The following ATE1 variants were observed in gnomAD, a reference collection of about 807,000 sequenced individuals.
The protein encoded by ATE1 is arginyl-tRNA--protein transferase 1.
In ATE1, 36 loss-of-function variants were observed where a neutral mutation model predicts 70.5. The observed-to-expected ratio is 0.51, with a 90% confidence interval of 0.39 to 0.67. ATE1 has a LOEUF of 0.67. Among genes scored for constraint, ATE1 ranks in the 30% least tolerant of loss-of-function variants. The probability of loss-of-function intolerance (pLI) is 0.00; values close to 1 mark genes in which losing one functional copy is unlikely to be tolerated. For synonymous variants in ATE1, 232 were observed against 219.3 expected, an observed-to-expected ratio of 1.06 and a Z score of -0.51; for missense variants, 593 against 629.5, an observed-to-expected ratio of 0.94 and a Z score of 0.62.
upstream of ATE1, chr10:121,928,345 AC>A (rs1175461056): frequency 6.6e-7 from 1 of 1,521,860 alleles, no homozygotes; most frequent in South Asian, 1.2e-5. Flanking sequence ...GGGAACACTC[AC>A]CGCAGGACGC....
intron 8 of ATE1, among the ~76,000 whole-genome samples, chr10:121,869,165 T>A (rs1949765641): frequency 6.6e-6 from 1 of 152,198 alleles, no homozygotes; most frequent in Non-Finnish European, 1.5e-5. Flanking sequence ...CCATCACTTA[T>A]TTGAGAGGTA....
At position 121,743,640 on chromosome 10, in the gene ATE1, A is replaced by G; in HGVS notation, c.*40T>C. On this transcript the variant is annotated 3_prime_UTR_variant, in exon 12 of 12. Coordinates refer to ENST00000224652, the MANE Select transcript of ATE1 (RefSeq NM_001001976.3). ...CTGAATATGTATCCTGGCACAAATCATCAGCACAACACAGGAACTTCCCGG... is the reference window on the plus strand; with the variant it reads ...CTGAATATGTATCCTGGCACAAATCGTCAGCACAACACAGGAACTTCCCGG... 2 of 1,538,914 alleles carry G rather than the reference A, an allele frequency of 1.3e-6. No homozygotes were observed. Among genetic ancestry groups the G allele is most frequent in the Admixed American group, 2.1e-5 (1 of 47,688 alleles).
intron 11 of ATE1, among the ~76,000 whole-genome samples, chr10:121,759,461 C>T (rs879524708): frequency 6.6e-5 from 10 of 152,144 alleles, no homozygotes; most frequent in Non-Finnish European, 8.8e-5. Context: ...TGGTGGCTGA[C>T]GCCTGTAATC....
Position 121,913,886 on chromosome 10 carries a change from G to C in ATE1, c.241C>G (p.Pro81Ala). The change falls in exon 4 of 12, where the codon CCT becomes GCT. Residue 81 changes from proline (P) to alanine (A), a missense_variant. Physicochemically the swap from Pro to Ala is conservative, Grantham distance 27. This residue lies in a region of ATE1 where 467 missense variants were observed against 469.6 expected (regional missense o/e 0.99). Transcript: ENST00000224652. The part of the protein sequence containing the change: ...CCPQYTIRCR[P>A]LQFQPSKSHK... Reference sequence around the variant, plus strand: ...GATTTTGAAGGCTGAAATTGTAAAGGTCGGCACCTAGGAAAGCAAAATAAA... The same window carrying C: ...GATTTTGAAGGCTGAAATTGTAAAGCTCGGCACCTAGGAAAGCAAAATAAA... 6.2e-7 allele frequency: 1 copy of C among 1,607,138 alleles called. No homozygotes were observed. Among genetic ancestry groups the C allele is most frequent in the Non-Finnish European group, 8.5e-7 (1 of 1,176,706 alleles).
At chr10:121,888,886 G>A (rs780181018) in intron 7 of ATE1, among the ~76,000 whole-genome samples, 2 of 152,148 alleles carry the variant, frequency 1.3e-5, no homozygotes, top group African/African-American at 2.4e-5. Flanking sequence ...ACTCAAAAGA[G>A]TAGGATTCTA....
intron 11 of ATE1, among the ~76,000 whole-genome samples, chr10:121,756,667 G>T (rs1413008201): frequency 6.6e-6 from 1 of 152,226 alleles, no homozygotes; most frequent in Non-Finnish European, 1.5e-5. Flanking sequence ...AAGGCTTGGG[G>T]CTTCTACCCA....
At chr10:121,908,302 G>A (rs144544093) in intron 5 of ATE1, among the ~76,000 whole-genome samples, 2,277 of 152,240 alleles carry the variant, frequency 0.015, 51 homozygotes, top group African/African-American at 0.048. Flanking sequence ...TCAGGAGTTC[G>A]AGACCAGCCT....
At chr10:121,836,953 A>G (rs1006936666) in intron 9 of ATE1, 136 bp from the exon 10 acceptor site, 16 of 605,810 alleles carry the variant, frequency 2.6e-5, no homozygotes, top group Admixed American at 1.8e-4. Context: ...TGAAAGAAAA[A>G]CTACTTTTAA....
At chr10:121,825,661 C>T (rs1245401438) in intron 10 of ATE1, among the ~76,000 whole-genome samples, 3 of 152,202 alleles carry the variant, frequency 2.0e-5, no homozygotes, top group African/African-American at 7.2e-5. Context: ...AAAGGAAAAA[C>T]AAACGGCAGC....
Position 121,928,005 on chromosome 10 carries a change from C to A in ATE1, c.-56G>T. ...GGCCCCGCGTCGCTAGCGCGGCCGC[C>A]GCCGCCACCCCACAATGCAGCGCGC... On this transcript the variant is annotated 5_prime_UTR_variant, in exon 1 of 12. Transcript: ENST00000224652. 7.2e-7 allele frequency: 1 copy of A among 1,391,802 alleles called. No individual in the cohort carries two copies. The highest frequency in any genetic ancestry group is 9.3e-7 in the Non-Finnish European group (1 of 1,069,580). The allele number at this position is 1,391,802 out of a possible 1,614,324, so 86.2% of individuals were successfully genotyped here.
At chr10:121,904,211 T>C (rs1176572379) in intron 5 of ATE1, among the ~76,000 whole-genome samples, 1 of 151,940 alleles carries the variant, frequency 6.6e-6, no homozygotes, top group Non-Finnish European at 1.5e-5. Flanking sequence ...CTTGAACTCC[T>C]GACCTCGTGA....
chr10:121,851,090 CAAAAAAAAAAAAAAAAA>C (rs10603053), intron 8 of ATE1, among the ~76,000 whole-genome samples: 28 of 43,212 alleles, frequency 6.5e-4, no homozygotes, highest in Admixed American at 1.0e-3. Context: ...GACTCCATCT[CAAAAAAAAAAAAAAAAA>C]AAAAAAAAAA....
At chr10:121,868,919 A>G (rs1949755177) in intron 8 of ATE1, among the ~76,000 whole-genome samples, 1 of 152,234 alleles carries the variant, frequency 6.6e-6, no homozygotes, top group Non-Finnish European at 1.5e-5. Flanking sequence ...TCAAATAAAC[A>G]AAATGTTATA....
intron 5 of ATE1, among the ~76,000 whole-genome samples, chr10:121,905,861 A>AG (rs1483837388): frequency 7.3e-6 from 1 of 137,510 alleles, no homozygotes; most frequent in Non-Finnish European, 1.7e-5. Flanking sequence ...GAGAGAAAAA[A>AG]AAGTAGGATT....
chr10:121,887,684 G>A (rs1312695865), intron 7 of ATE1, among the ~76,000 whole-genome samples: 1 of 152,044 alleles, frequency 6.6e-6, no homozygotes, highest in African/African-American at 2.4e-5. Flanking sequence ...TCCAGCCTGG[G>A]CAACAGAGCA....
intron 7 of ATE1, among the ~76,000 whole-genome samples, chr10:121,879,424 A>G (rs1472604721): frequency 6.6e-6 from 1 of 152,112 alleles, no homozygotes; most frequent in African/African-American, 2.4e-5. Flanking sequence ...ACTATATTGC[A>G]TACTTATTAT....
At chr10:121,907,390 G>A (rs775820624) in intron 5 of ATE1, among the ~76,000 whole-genome samples, 9 of 151,968 alleles carry the variant, frequency 5.9e-5, no homozygotes, top group South Asian at 2.1e-4. Context: ...ACTTAAACCC[G>A]GGAAGCAGAG....
At chr10:121,865,021 T>C (rs759699635) in intron 8 of ATE1, among the ~76,000 whole-genome samples, 3 of 152,182 alleles carry the variant, frequency 2.0e-5, no homozygotes, top group Non-Finnish European at 4.4e-5. Context: ...ACGGTCTTCT[T>C]TCAAATACTA....
At chr10:121,860,769 T>C (rs1261574493) in intron 8 of ATE1, among the ~76,000 whole-genome samples, 1 of 152,188 alleles carries the variant, frequency 6.6e-6, no homozygotes, top group Non-Finnish European at 1.5e-5. Context: ...AAAAGACTTT[T>C]AGTGAGGCAC....
Sources: allele counts gnomAD v4.1 joint callset (sites outside exome capture counted in the v4.1 genomes callset), GRCh38; gene constraint gnomAD v4.1.1; regional missense constraint gnomAD v4.1.1; transcripts MANE v1.5; gene names NCBI Gene and HGNC (gene_info 2026-07-23, HGNC 2026-07-21).